The following KCNV1 variants were observed in gnomAD, a reference collection of about 807,000 sequenced individuals.
KCNV1 encodes potassium voltage-gated channel subfamily V member 1.
Under a neutral mutation model 36.4 loss-of-function variants are expected in KCNV1, and 2 were observed. The observed-to-expected ratio is 0.05, with a 90% CI of 0.02 to 0.17. The LOEUF (loss-of-function observed/expected upper bound fraction) is 0.17. Ranked by LOEUF, KCNV1 falls within the 10% of genes least tolerant of loss-of-function variation. The pLI is 1.00. For missense variants in KCNV1, 321 were observed against 643.6 expected (o/e 0.50, Z 5.42); for synonymous variants, 280 against 261.1 (o/e 1.07, Z -0.70).
chr8:109,975,576 G>C (rs1408279942), intron 1 of KCNV1, 43 bp downstream of exon 1: 4 of 152,826 alleles, frequency 2.6e-5, no homozygotes. Context: ...TGTTGGACTC[G>C]GGGTGAGGAG....
At chr8:109,973,306 C>A (rs988429551) in intron 2 of KCNV1, among the ~76,000 whole-genome samples, 2 of 152,158 alleles carry the variant, frequency 1.3e-5, no homozygotes, top group African/African-American at 4.8e-5. Context: ...TAAAATGACA[C>A]TTTCTTAGTA....
chr8:109,973,853 A>G, intron 2 of KCNV1, 75 bp downstream of exon 2: 1 of 1,231,196 alleles, frequency 8.1e-7, no homozygotes, highest in South Asian at 1.5e-5. Flanking sequence ...GTAAAGCCTC[A>G]AATCTACCTG....
At position 109,974,549 on chromosome 8, in the gene KCNV1, C is replaced by G; in HGVS notation, c.-161G>C. The G allele has an allele frequency of 1.7e-6, 1 of 602,810 alleles. No homozygotes were observed. Among genetic ancestry groups the G allele is most frequent in the South Asian group, 2.1e-5 (1 of 48,532 alleles). 37.3% of individuals were successfully genotyped at this position (602,810 alleles called of 1,614,324 possible). ...TGGCGCACCCTCTCCACCCGCTGTG[C>G]GCCTTCCTCCTCCTGCCGCTAGGGA... On this transcript the variant is annotated 5_prime_UTR_variant, in exon 2 of 4. Coordinates refer to ENST00000524391, the MANE Select transcript of KCNV1 (RefSeq NM_014379.4). This position sits in a 1 kb window ranked among gnomAD's most constrained non-coding sequence, Gnocchi z 6.2.
intron 3 of KCNV1, among the ~76,000 whole-genome samples, chr8:109,969,711 G>T (rs1050262738): frequency 6.6e-6 from 1 of 152,062 alleles, no homozygotes; most frequent in Non-Finnish European, 1.5e-5. Context: ...CCAGCGTGGT[G>T]GTGCGTGCCT....
chr8:109,967,037 T>C lies in KCNV1; in HGVS notation c.*1051A>G, dbSNP rs548726939. On this transcript the variant is annotated 3_prime_UTR_variant, in exon 4 of 4. Coordinates refer to ENST00000524391, the MANE Select transcript of KCNV1 (RefSeq NM_014379.4). The stretch of plus-strand genomic sequence containing the variant: ...AGAGGTTTTGGCTTTAATTATATAA[T>C]ACAATGTCTAGGAATTGTGTTGTTA... The C allele has an allele frequency of 3.9e-5, 6 of 152,316 alleles. No individual in the cohort carries two copies. Among genetic ancestry groups the C allele is most frequent in the African/African-American group, 1.2e-4 (5 of 41,580 alleles). 9.4% of individuals were successfully genotyped at this position (152,316 alleles called of 1,614,324 possible). A position where few individuals can be genotyped will look rare whatever the true frequency, so the allele number is the denominator to read the frequency against.
rs1423444665 is a variant in KCNV1, at chr8:109,964,895, T to G, written c.*3193A>C. ...TCAGGAAAAATAACTGGTGCTAGGTTTAATACCTGGGTGATGAAATAATCC... is the reference window on the plus strand; with the variant it reads ...TCAGGAAAAATAACTGGTGCTAGGTGTAATACCTGGGTGATGAAATAATCC... On this transcript the variant is annotated 3_prime_UTR_variant, in exon 4 of 4. Transcript: ENST00000524391. 6.6e-6 allele frequency: 1 copy of G among 152,050 alleles called. No individual in the cohort carries two copies. Among genetic ancestry groups the G allele is most frequent in the Non-Finnish European group, 1.5e-5 (1 of 68,004 alleles). 9.4% of individuals were successfully genotyped at this position (152,050 alleles called of 1,614,324 possible). A position where few individuals can be genotyped will look rare whatever the true frequency, so the allele number is the denominator to read the frequency against.
rs2130895622 is a variant in KCNV1, at chr8:109,968,321, T to C, written c.1270A>G (p.Ile424Val). 1 of 1,614,116 alleles carries C rather than the reference T, an allele frequency of 6.2e-7. No homozygotes were observed. The highest frequency in any genetic ancestry group is 8.5e-7 in the Non-Finnish European group (1 of 1,180,024). ...LSGILVLALP[I>V]AIINDRFSAC... Reference sequence around the variant, plus strand: ...GAGAAGCGATCGTTAATAATAGCAATAGGCAAGGCCAAGACAAGAATTCCC... The same window carrying C: ...GAGAAGCGATCGTTAATAATAGCAACAGGCAAGGCCAAGACAAGAATTCCC... The change falls in exon 4 of 4, where the codon ATT becomes GTT. Residue 424 changes from isoleucine to valine, a missense_variant. Transcript: ENST00000524391. The surrounding 1 kb of genome is among the most constrained non-coding windows in gnomAD (Gnocchi z 5.3).
chr8:109,970,945 G>A (rs1820002744), intron 3 of KCNV1, among the ~76,000 whole-genome samples: 1 of 152,078 alleles, frequency 6.6e-6, no homozygotes, highest in African/African-American at 2.4e-5. Context: ...CAAATTCCTG[G>A]TATGTGAGAC....
intron 1 of KCNV1, among the ~76,000 whole-genome samples, 175 bp downstream of exon 1, chr8:109,975,444 C>A (rs1159744452): frequency 3.3e-5 from 5 of 152,126 alleles, no homozygotes; most frequent in Non-Finnish European, 5.9e-5. Flanking sequence ...CAAGCGTGGG[C>A]TGGGGCAGGA....
Position 109,974,454 on chromosome 8 carries a change from C to A in KCNV1, c.-66G>T, listed in dbSNP as rs1820054386. 1 of 1,234,038 alleles carries A rather than the reference C, an allele frequency of 8.1e-7. No homozygotes were observed. The highest frequency in any genetic ancestry group is 2.6e-5 in the East Asian group (1 of 38,870). 76.4% of individuals were successfully genotyped at this position (1,234,038 alleles called of 1,614,324 possible). On this transcript the variant is annotated 5_prime_UTR_variant, in exon 2 of 4. Transcript: ENST00000524391. This position sits in a 1 kb window ranked among gnomAD's most constrained non-coding sequence, Gnocchi z 6.2. ...GGGGACACGCCGGAAGCTTTGGTCC[C>A]GCGAGGGCGGTGGCACGGCCCCTGG...
chr8:109,972,775 C>T lies in KCNV1; in HGVS notation c.474G>A (p.Arg158=), dbSNP rs548060083. Reference sequence around the variant, plus strand: ...AGTCTAAAGTTTCACTCAGCTCTTTCCTTCTGAAGTATCTTTTAGAGAAAA... The same window carrying T: ...AGTCTAAAGTTTCACTCAGCTCTTTTCTTCTGAAGTATCTTTTAGAGAAAA... ...DSCCRDRYFR[R]KELSETLDFK... is the part of the protein sequence containing the mutation. The change falls in exon 3 of 4, where the codon AGG becomes AGA. Residue 158 remains arginine, a synonymous_variant. Coordinates refer to ENST00000524391, the MANE Select transcript of KCNV1 (RefSeq NM_014379.4). This position sits in a 1 kb window ranked among gnomAD's most constrained non-coding sequence, Gnocchi z 5.2. The T allele has an allele frequency of 2.5e-6, 4 of 1,600,742 alleles. No individual in the cohort carries two copies. The highest frequency in any genetic ancestry group is 1.7e-4 in the Middle Eastern group (1 of 5,958).
chr8:109,970,424 A>G (rs148780737), intron 3 of KCNV1, among the ~76,000 whole-genome samples: 3 of 152,328 alleles, frequency 2.0e-5, no homozygotes, highest in African/African-American at 2.4e-5. Context: ...AACTCAGAGA[A>G]TCTTCAAAAG....
In KCNV1 at chr8:109,968,630, G is replaced by GC; in HGVS notation, c.992-32dup. ...ACAGAACAAATGCTGTCAGTCATTG[G>GC]CATCCCTCTTCTCTCTCTTCCTTCC... On this transcript the variant is annotated intron_variant, in intron 3 of 3. Coordinates refer to ENST00000524391, the MANE Select transcript of KCNV1 (RefSeq NM_014379.4). This position sits in a 1 kb window ranked among gnomAD's most constrained non-coding sequence, Gnocchi z 5.3. 1.3e-6 allele frequency: 2 copies of GC among 1,552,666 alleles called. No individual in the cohort carries two copies. Among genetic ancestry groups the GC allele is most frequent in the Non-Finnish European group, 1.7e-6 (2 of 1,144,634 alleles).
At position 109,972,547 on chromosome 8, in the gene KCNV1, T is replaced by G; in HGVS notation, c.702A>C (p.Leu234Phe). ...CCAGCAGCTGCAGGTCCAGCCAGCT[T>G]AACTCAGCTGACATCAGGGCCATGT... The part of the protein sequence containing the change: ...IINMALMSAE[L>F]SWLDLQLLEI... The change falls in exon 3 of 4, where the codon TTA becomes TTC. Residue 234 changes from leucine (L) to phenylalanine (F), a missense_variant. Around this residue, in one of 5 missense-constraint regions of KCNV1, gnomAD observed 141 missense variants for 225.0 expected, o/e 0.63. Coordinates refer to ENST00000524391, the MANE Select transcript of KCNV1 (RefSeq NM_014379.4). The surrounding 1 kb of genome is among the most constrained non-coding windows in gnomAD (Gnocchi z 5.2). The G allele has an allele frequency of 1.2e-6, 2 of 1,614,194 alleles. No homozygotes were observed. The highest frequency in any genetic ancestry group is 8.5e-7 in the Non-Finnish European group (1 of 1,180,032).
rs1280385942 is a variant in KCNV1, at chr8:109,968,679, C to T, written c.992-80G>A. On this transcript the variant is annotated intron_variant, in intron 3 of 3. Transcript: ENST00000524391. This position sits in a 1 kb window ranked among gnomAD's most constrained non-coding sequence, Gnocchi z 5.3. ...CCCTCCCCTCCCCTCTCCCTCCTTG[C>T]TCTGCCACCCACAAACTGCACTGCA... is the stretch of plus-strand genomic sequence containing the variant. 2 of 1,438,234 alleles carry T rather than the reference C, an allele frequency of 1.4e-6. No homozygotes were observed. The highest frequency in any genetic ancestry group is 4.6e-5 in the East Asian group (2 of 43,232). 89.1% of individuals were successfully genotyped at this position (1,438,234 alleles called of 1,614,324 possible). A position where few individuals can be genotyped will look rare whatever the true frequency, so the allele number is the denominator to read the frequency against.
In KCNV1 at chr8:109,974,937, G is replaced by A. The variant is rs1820062550; in HGVS notation, c.-549C>T. The A allele has an allele frequency of 6.5e-6, 1 of 154,412 alleles. No individual in the cohort carries two copies. The highest frequency in any genetic ancestry group is 6.4e-5 in the Admixed American group (1 of 15,516). The allele number at this position is 154,412 out of a possible 1,614,324, so 9.6% of individuals were successfully genotyped here. A position where few individuals can be genotyped will look rare whatever the true frequency, so the allele number is the denominator to read the frequency against. ...TGGCGAGACTCACTCCTGCCCGCAGGAGACCAAAACAAAAAGTTCAGAAAG... is the reference window on the plus strand; with the variant it reads ...TGGCGAGACTCACTCCTGCCCGCAGAAGACCAAAACAAAAAGTTCAGAAAG... On this transcript the variant is annotated 5_prime_UTR_variant, in exon 2 of 4. Transcript: ENST00000524391. The surrounding 1 kb of genome is among the most constrained non-coding windows in gnomAD (Gnocchi z 6.2).
rs1036371726 is a variant in KCNV1 at position 109,968,686 on chromosome 8, A to G, written c.992-87T>C. 7.3e-7 allele frequency: 1 copy of G among 1,361,826 alleles called. No homozygotes were observed. Among genetic ancestry groups the G allele is most frequent in the African/African-American group, 1.5e-5 (1 of 68,576 alleles). 84.4% of individuals were successfully genotyped at this position (1,361,826 alleles called of 1,614,324 possible). A position where few individuals can be genotyped will look rare whatever the true frequency, so the allele number is the denominator to read the frequency against. The stretch of plus-strand genomic sequence containing the variant: ...CTCCCCTCTCCCTCCTTGCTCTGCC[A>G]CCCACAAACTGCACTGCACACTTAA... On this transcript the variant is annotated intron_variant, in intron 3 of 3. Transcript: ENST00000524391. This position sits in a 1 kb window ranked among gnomAD's most constrained non-coding sequence, Gnocchi z 5.3.
In KCNV1 at chr8:109,963,969, G is replaced by A. The variant is rs181478536; in HGVS notation, c.*4119C>T. 1.3e-5 allele frequency: 2 copies of A among 152,160 alleles called. No individual in the cohort carries two copies. Among genetic ancestry groups the A allele is most frequent in the Admixed American group, 1.3e-4 (2 of 15,268 alleles). 9.4% of individuals were successfully genotyped at this position (152,160 alleles called of 1,614,324 possible). A position where few individuals can be genotyped will look rare whatever the true frequency, so the allele number is the denominator to read the frequency against. ...AGATTTCATGATGAAGACACAAAAG[G>A]TGGTTGCAACGAAAGCAAAAATTGG... On this transcript the variant is annotated 3_prime_UTR_variant, in exon 4 of 4. Transcript: ENST00000524391.
Position 109,964,458 on chromosome 8 carries a change from A to T in KCNV1, c.*3630T>A, listed in dbSNP as rs1219957911. 1 of 152,162 alleles carries T rather than the reference A, an allele frequency of 6.6e-6. No homozygotes were observed. The highest frequency in any genetic ancestry group is 1.5e-5 in the Non-Finnish European group (1 of 68,034). 9.4% of individuals were successfully genotyped at this position (152,162 alleles called of 1,614,324 possible). A position where few individuals can be genotyped will look rare whatever the true frequency, so the allele number is the denominator to read the frequency against. ...GTGGCAATTCCTCAAAGACCTAAAA[A>T]CAGAAATACCACTGGATCCAGCAAT... On this transcript the variant is annotated 3_prime_UTR_variant, in exon 4 of 4. Coordinates refer to ENST00000524391, the MANE Select transcript of KCNV1 (RefSeq NM_014379.4).
Sources: gnomAD v4.1 joint callset for allele counts (sites outside exome capture counted in the v4.1 genomes callset) on GRCh38, gnomAD v4.1.1 for gene constraint, gnomAD v4.1.1 regional missense constraint, Gnocchi (gnomAD v3.1) non-coding constraint, MANE v1.5 for transcripts, NCBI Gene and HGNC (gene_info 2026-07-23, HGNC 2026-07-21) for gene names.